ZNF804A: variants seen among roughly 807,000 people sequenced by gnomAD.
ZNF804A encodes zinc finger protein 804A.
ZNF804A carries 2 observed loss-of-function variants against 16.5 expected under a neutral mutation model. That is an observed-to-expected ratio of 0.12 (90% confidence interval 0.05 to 0.38). The LOEUF (loss-of-function observed/expected upper bound fraction) is 0.38, where lower values mean the gene tolerates loss of function less well. ZNF804A is among the 10% of genes least tolerant of loss of function. ZNF804A has a pLI of 0.99. For synonymous variants in ZNF804A, 534 were observed against 489.6 expected (o/e 1.09, Z -1.20); for missense variants, 1,473 against 1,390.7 (o/e 1.06, Z -0.94).
intron 1 of ZNF804A, among the ~76,000 whole-genome samples, chr2:184,691,251 A>G (rs1379808604): frequency 6.6e-6 from 1 of 152,014 alleles, no homozygotes; most frequent in Non-Finnish European, 1.5e-5. Context: ...CAACTTGCTC[A>G]GCAAAAAACC....
chr2:184,821,477 G>A (rs752423930), intron 1 of ZNF804A, among the ~76,000 whole-genome samples: 10 of 152,032 alleles, frequency 6.6e-5, no homozygotes, highest in Non-Finnish European at 1.5e-4. Context: ...CAAAATCTAC[G>A]CAATGCCATT....
intron 2 of ZNF804A, among the ~76,000 whole-genome samples, chr2:184,868,706 C>A (rs1695923379): frequency 6.6e-6 from 1 of 151,790 alleles, no homozygotes; most frequent in African/African-American, 2.4e-5. Flanking sequence ...TTCCTAATGA[C>A]CTTCAGATTC....
At chr2:184,698,138 G>C (rs1407570507) in intron 1 of ZNF804A, among the ~76,000 whole-genome samples, 1 of 151,894 alleles carries the variant, frequency 6.6e-6, no homozygotes, top group Non-Finnish European at 1.5e-5. Context: ...ATTCAAAATG[G>C]GGACTGGCAC....
intron 1 of ZNF804A, among the ~76,000 whole-genome samples, chr2:184,836,791 A>T (rs1380608452): frequency 6.6e-6 from 1 of 151,546 alleles, no homozygotes; most frequent in Non-Finnish European, 1.5e-5. Context: ...CTTTATATTG[A>T]TATGGTTATC....
intron 1 of ZNF804A, among the ~76,000 whole-genome samples, chr2:184,821,633 A>G (rs955315686): frequency 1.3e-5 from 2 of 152,146 alleles, no homozygotes; most frequent in Admixed American, 6.6e-5. Flanking sequence ...GACAACCTAC[A>G]TAATTAGAGA....
In ZNF804A at chr2:184,709,592, G is replaced by A. The variant is rs570232016; in HGVS notation, c.111+110522G>A. On this transcript the variant is annotated intron_variant, in intron 1 of 3. Transcript: ENST00000302277. ...TTTGCACATGAGTGTAGAGTTTACT[G>A]TAACTAAAGTATCAAAAAAACCTCG... Among the ~76,000 whole-genome samples the A allele has an allele frequency of 2.0e-5, 3 of 151,628 alleles. No individual in the cohort carries two copies. The South Asian group carries it at 6.2e-4, about 31-fold the overall frequency.
chr2:184,667,878 T>A (rs1329965264), intron 1 of ZNF804A, among the ~76,000 whole-genome samples: 1 of 151,828 alleles, frequency 6.6e-6, no homozygotes, highest in Non-Finnish European at 1.5e-5. Flanking sequence ...AATAAAAATA[T>A]CTGTGTTTTC....
At chr2:184,605,079 T>C (rs1031904713) in intron 1 of ZNF804A, among the ~76,000 whole-genome samples, 1 of 152,136 alleles carries the variant, frequency 6.6e-6, no homozygotes, top group Admixed American at 6.5e-5. Context: ...GGGAAATGGT[T>C]TATTAAAAGT....
intron 1 of ZNF804A, among the ~76,000 whole-genome samples, chr2:184,754,727 TAC>T (rs1422250412): frequency 6.6e-6 from 1 of 151,928 alleles, no homozygotes; most frequent in Non-Finnish European, 1.5e-5. Context: ...CTTTCTCTAG[TAC>T]AGTGTGAGCT....
At chr2:184,756,076 A>G (rs1364811655) in intron 1 of ZNF804A, among the ~76,000 whole-genome samples, 1 of 151,990 alleles carries the variant, frequency 6.6e-6, no homozygotes, top group Non-Finnish European at 1.5e-5. Flanking sequence ...CCCTGAAGCT[A>G]TAGTTAAAAT....
chr2:184,641,061 T>C (rs1364615148), intron 1 of ZNF804A, among the ~76,000 whole-genome samples: 2 of 152,128 alleles, frequency 1.3e-5, no homozygotes, highest in African/African-American at 4.8e-5. Flanking sequence ...TTCAAGCAAT[T>C]CTCCTGCCTC....
intron 2 of ZNF804A, among the ~76,000 whole-genome samples, chr2:184,909,499 T>C (rs866706805): frequency 9.2e-5 from 14 of 152,064 alleles, no homozygotes; most frequent in Non-Finnish European, 1.6e-4. Flanking sequence ...TTGACATCTA[T>C]ATTATACAAA....
chr2:184,864,875 ATTTTTTTT>A (rs34114485), intron 1 of ZNF804A, among the ~76,000 whole-genome samples: 3 of 105,466 alleles, frequency 2.8e-5, no homozygotes, highest in South Asian at 2.9e-4. Context: ...TATAGTTAGG[ATTTTTTTT>A]TTTTTTTTTT....
chr2:184,700,564 C>A (rs1481288711), intron 1 of ZNF804A, among the ~76,000 whole-genome samples: 1 of 152,024 alleles, frequency 6.6e-6, no homozygotes, highest in Non-Finnish European at 1.5e-5. Flanking sequence ...GACTTATGAA[C>A]TGACATTAGG....
intron 2 of ZNF804A, among the ~76,000 whole-genome samples, chr2:184,912,034 A>G (rs987879633): frequency 6.6e-6 from 1 of 152,040 alleles, no homozygotes; most frequent in Non-Finnish European, 1.5e-5. Context: ...AAAATTCACC[A>G]TAATAAAGTG....
At chr2:184,607,895 A>C (rs1256825424) in intron 1 of ZNF804A, among the ~76,000 whole-genome samples, 1 of 151,448 alleles carries the variant, frequency 6.6e-6, no homozygotes, top group Non-Finnish European at 1.5e-5. Flanking sequence ...TATTTGTTGA[A>C]ACAAGGTTAA....
rs34114485 is a variant in ZNF804A, at chr2:184,864,875, A to ATTTTTTTTTTTTTTTTTTTT, written c.112-1490_112-1471dup. 7.6e-5 allele frequency among the ~76,000 whole-genome samples: 8 copies of ATTTTTTTTTTTTTTTTTTTT among 105,468 alleles called. 1 individual carries two copies. The highest frequency in any genetic ancestry group is 3.6e-4 in the African/African-American group (8 of 22,126). The allele number at this position is 105,468 out of a possible 152,430, so 69.2% of individuals were successfully genotyped here. A position where few individuals can be genotyped will look rare whatever the true frequency, so the allele number is the denominator to read the frequency against. The stretch of plus-strand genomic sequence containing the variant: ...TAAGAGACTTGAATATATAGTTAGG[A>ATTTTTTTTTTTTTTTTTTTT]TTTTTTTTTTTTTTTTTTTTTTTGA... On this transcript the variant is annotated intron_variant, in intron 1 of 3. Coordinates refer to ENST00000302277, the MANE Select transcript of ZNF804A (RefSeq NM_194250.2).
intron 1 of ZNF804A, among the ~76,000 whole-genome samples, chr2:184,672,737 CT>C (rs915343645): frequency 3.5e-4 from 52 of 149,456 alleles, no homozygotes; most frequent in African/African-American, 1.2e-3. Flanking sequence ...ATAACTATTT[CT>C]TTTTTTTTCT....
chr2:184,937,435 A>T lies in ZNF804A; in HGVS notation c.2039A>T (p.Glu680Val). 7 of 1,612,394 alleles carry T rather than the reference A, an allele frequency of 4.3e-6. No homozygotes were observed. Among genetic ancestry groups the T allele is most frequent in the Non-Finnish European group, 5.9e-6 (7 of 1,179,358 alleles). The part of the protein sequence containing the change: ...NEEMCKTWNT[E>V]YNTYDTISSK... Reference sequence around the variant, plus strand: ...GAAATGTGTAAAACATGGAATACTGAATACAACACTTATGATACTATCAGT... The same window carrying T: ...GAAATGTGTAAAACATGGAATACTGTATACAACACTTATGATACTATCAGT... The change falls in exon 4 of 4, where the codon GAA becomes GTA. Residue 680 changes from glutamate (E) to valine (V), a missense_variant. Transcript: ENST00000302277.
Sources: allele counts gnomAD v4.1 joint callset (sites outside exome capture counted in the v4.1 genomes callset), GRCh38; gene constraint gnomAD v4.1.1; transcripts MANE v1.5; gene names NCBI Gene and HGNC (gene_info 2026-07-23, HGNC 2026-07-21).